The following ADGRL3 variants were observed in gnomAD, a reference collection of about 807,000 sequenced individuals.
The protein encoded by ADGRL3 is calcium-independent alpha-latrotoxin receptor 3.
ADGRL3 carries 62 observed loss-of-function variants against 153.5 expected under a neutral mutation model. The ratio of observed to expected loss-of-function variants is 0.40; its 90% confidence interval spans 0.33 to 0.50. The LOEUF is 0.50. Ranked by LOEUF, ADGRL3 falls within the 20% of genes least tolerant of loss-of-function variation. ADGRL3 has a pLI of 0.47. For synonymous variants in ADGRL3, 710 were observed against 672.5 expected, an observed-to-expected ratio of 1.06 and a Z score of -0.86; for missense variants, 1,641 against 1,859.4, an observed-to-expected ratio of 0.88 and a Z score of 2.16.
intron 4 of ADGRL3, chr4:61,579,512 A>T (rs1201079044): frequency 2.1e-6 from 1 of 465,558 alleles, no homozygotes. Context: ...ATTTATTCAC[A>T]CACTTGCTGC....
rs1746198037 is a variant in ADGRL3, at chr4:62,073,214, G to A, written c.*2306G>A. ...ATCTGTATATAGTTTATAAATACAT[G>A]ACAAAAAAATTTCTGCTGAGCCAGA... On this transcript the variant is annotated 3_prime_UTR_variant, in exon 27 of 27. Coordinates refer to ENST00000683033, the MANE Select transcript of ADGRL3 (RefSeq NM_001387552.1). 1 of 151,972 alleles carries A rather than the reference G, an allele frequency of 6.6e-6. No homozygotes were observed. Among genetic ancestry groups the A allele is most frequent in the African/African-American group, 2.4e-5 (1 of 41,398 alleles). 9.4% of individuals were successfully genotyped at this position (151,972 alleles called of 1,614,324 possible). A position where few individuals can be genotyped will look rare whatever the true frequency, so the allele number is the denominator to read the frequency against.
At position 62,028,775 on chromosome 4, in the gene ADGRL3, G is replaced by A. The variant is rs559308977; in HGVS notation, c.3396-80G>A. On this transcript the variant is annotated intron_variant, in intron 21 of 26. Transcript: ENST00000683033. ...GGGGACAGAGGCCTTTGGGGACCAGGAGAATATTTTTCATATGAAATTCTT... is the reference window on the plus strand; with the variant it reads ...GGGGACAGAGGCCTTTGGGGACCAGAAGAATATTTTTCATATGAAATTCTT... 3.5e-5 allele frequency: 42 copies of A among 1,184,344 alleles called. No homozygotes were observed. The African/African-American group carries it at 5.8e-4, about 16-fold the overall frequency. 73.4% of individuals were successfully genotyped at this position (1,184,344 alleles called of 1,614,324 possible).
At chr4:61,683,234 T>G (rs1411038573) in intron 6 of ADGRL3, among the ~76,000 whole-genome samples, 3 of 151,550 alleles carry the variant, frequency 2.0e-5, no homozygotes, top group Admixed American at 6.6e-5. Context: ...AACCTCAGCC[T>G]CCAGAGTAGC....
chr4:61,517,686 G>A (rs2098505769), intron 4 of ADGRL3, among the ~76,000 whole-genome samples, 168 bp downstream of exon 4: 1 of 151,824 alleles, frequency 6.6e-6, no homozygotes, highest in Admixed American at 6.6e-5. Context: ...TTTTTTTTAA[G>A]GCTTATACAA....
At chr4:61,296,150 T>G (rs1414612759) in intron 1 of ADGRL3, among the ~76,000 whole-genome samples, 1 of 152,326 alleles carries the variant, frequency 6.6e-6, no homozygotes, top group African/African-American at 2.4e-5. Flanking sequence ...AAATAGACAC[T>G]AATTTTTTGG....
At chr4:61,581,491 G>T (rs907530019) in intron 4 of ADGRL3, among the ~76,000 whole-genome samples, 6 of 151,980 alleles carry the variant, frequency 3.9e-5, no homozygotes, top group African/African-American at 1.4e-4. Context: ...CTTTTTGAAT[G>T]AACTTGACTA....
intron 6 of ADGRL3, among the ~76,000 whole-genome samples, chr4:61,709,462 ATC>A (rs2095922255): frequency 6.6e-6 from 1 of 152,204 alleles, no homozygotes; most frequent in Non-Finnish European, 1.5e-5. Flanking sequence ...TAATAAGAAT[ATC>A]TGTTAGTTTC....
intron 2 of ADGRL3, among the ~76,000 whole-genome samples, chr4:61,434,115 G>T (rs997891010): frequency 1.3e-5 from 2 of 152,002 alleles, no homozygotes; most frequent in Non-Finnish European, 2.9e-5. Flanking sequence ...GTTCTGTTTC[G>T]GATCTGGTTA....
chr4:61,790,168 T>C (rs1043700190), intron 8 of ADGRL3, among the ~76,000 whole-genome samples: 5 of 152,206 alleles, frequency 3.3e-5, no homozygotes, highest in African/African-American at 9.6e-5. Flanking sequence ...TTTACCTGCC[T>C]CATGTATTTC....
chr4:61,996,758 A>G (rs891805792), intron 20 of ADGRL3, among the ~76,000 whole-genome samples: 2 of 152,140 alleles, frequency 1.3e-5, no homozygotes, highest in African/African-American at 2.4e-5. Context: ...GACTGTTCCT[A>G]TCAGCTTTGT....
intron 5 of ADGRL3, among the ~76,000 whole-genome samples, chr4:61,619,241 G>A (rs2092314206): frequency 6.6e-6 from 1 of 152,102 alleles, no homozygotes; most frequent in Non-Finnish European, 1.5e-5. Flanking sequence ...ACCGTACAAA[G>A]TTTTATCATG....
chr4:61,756,727 G>A (rs1435669946), intron 8 of ADGRL3, among the ~76,000 whole-genome samples: 1 of 152,108 alleles, frequency 6.6e-6, no homozygotes, highest in Non-Finnish European at 1.5e-5. Flanking sequence ...TCCAGTTTTT[G>A]CCCATTCAGT....
intron 19 of ADGRL3, 127 bp from the exon 20 acceptor site, chr4:61,996,164 A>T: frequency 1.5e-6 from 1 of 650,962 alleles, no homozygotes; most frequent in South Asian, 1.9e-5. Flanking sequence ...TGAACAAGCA[A>T]TGTAATATTT....
chr4:61,308,239 C>A (rs1266622902), intron 1 of ADGRL3, among the ~76,000 whole-genome samples: 1 of 152,134 alleles, frequency 6.6e-6, no homozygotes, highest in East Asian at 1.9e-4. Flanking sequence ...CTTAGCAATT[C>A]TTCCACTCCT....
chr4:61,786,091 G>A (rs1212191024), intron 8 of ADGRL3, among the ~76,000 whole-genome samples: 1 of 152,074 alleles, frequency 6.6e-6, no homozygotes, highest in East Asian at 1.9e-4. Context: ...TATACTAGCT[G>A]GATAATATGT....
chr4:61,771,765 T>C (rs1391806831), intron 8 of ADGRL3, among the ~76,000 whole-genome samples: 1 of 113,378 alleles, frequency 8.8e-6, no homozygotes, highest in African/African-American at 4.6e-5. Context: ...TCCATGTGAC[T>C]CAAAATCAAA....
rs575232805 is a variant in ADGRL3 at position 61,234,249 on chromosome 4, G to A, written c.-240+32484G>A. On this transcript the variant is annotated intron_variant, in intron 1 of 26. Transcript: ENST00000683033. ...GTTAGGGCGGCCTCAGAATCATGGC[G>A]GGAGGCAAAAGGCACATCTTACATA... 8.5e-5 allele frequency among the ~76,000 whole-genome samples: 13 copies of A among 152,180 alleles called. 1 individual carries two copies. The highest frequency in any genetic ancestry group is 2.1e-4 in the South Asian group (1 of 4,822).
chr4:61,770,319 A>G (rs1252985475), intron 8 of ADGRL3, among the ~76,000 whole-genome samples: 7 of 148,844 alleles, frequency 4.7e-5, no homozygotes, highest in South Asian at 2.1e-4. Flanking sequence ...GTTTGTTTTC[A>G]AAACGCCTAT....
At chr4:61,743,929 G>A (rs2096617298) in intron 8 of ADGRL3, among the ~76,000 whole-genome samples, 1 of 152,340 alleles carries the variant, frequency 6.6e-6, no homozygotes, top group Non-Finnish European at 1.5e-5. Context: ...CTCGGGAAGT[G>A]CAAGGGGTCA....
Sources: gnomAD v4.1 joint callset for allele counts (sites outside exome capture counted in the v4.1 genomes callset) on GRCh38, gnomAD v4.1.1 for gene constraint, MANE v1.5 for transcripts, NCBI Gene and HGNC (gene_info 2026-07-23, HGNC 2026-07-21) for gene names.